Variants in CACNA1E observed in about 807,000 individuals in gnomAD.
CACNA1E encodes voltage-dependent R-type calcium channel subunit alpha-1E.
CACNA1E carries 40 observed loss-of-function variants against 259.2 expected under a neutral mutation model. The observed-to-expected ratio is 0.15, with a 90% confidence interval of 0.12 to 0.20. CACNA1E has a LOEUF of 0.20. Among genes scored for constraint, CACNA1E ranks in the 10% least tolerant of loss-of-function variants. CACNA1E has a pLI of 1.00. For synonymous variants in CACNA1E, 1,104 were observed against 1,138.5 expected (o/e 0.97, Z 0.61); for missense variants, 1,874 against 3,040.1 (o/e 0.62, Z 9.02).
intron 2 of CACNA1E, among the ~76,000 whole-genome samples, chr1:181,474,368 A>G (rs1033673456): frequency 6.6e-6 from 1 of 152,224 alleles, no homozygotes; most frequent in Non-Finnish European, 1.5e-5. Context: ...TTGATTGAGA[A>G]TTACATTTCC....
intron 7 of CACNA1E, among the ~76,000 whole-genome samples, chr1:181,684,988 C>A (rs1258088161): frequency 2.0e-5 from 3 of 147,344 alleles, no homozygotes; most frequent in Admixed American, 6.9e-5. Context: ...CTTTGGGGGG[C>A]TTAATATATT....
chr1:181,581,832 G>A (rs1371895903), intron 6 of CACNA1E, among the ~76,000 whole-genome samples: 1 of 152,132 alleles, frequency 6.6e-6, no homozygotes, highest in Non-Finnish European at 1.5e-5. Context: ...TCTTATGCAC[G>A]CTCCCACCGT....
intron 2 of CACNA1E, among the ~76,000 whole-genome samples, chr1:181,468,938 A>G (rs1444086049): frequency 6.6e-6 from 1 of 152,212 alleles, no homozygotes; most frequent in African/African-American, 2.4e-5. Flanking sequence ...CTTAGACTGG[A>G]TGACATTTAA....
intron 39 of CACNA1E, among the ~76,000 whole-genome samples, chr1:181,783,395 G>C (rs937485784): frequency 1.3e-5 from 2 of 152,066 alleles, no homozygotes; most frequent in African/African-American, 4.8e-5. Flanking sequence ...GGACTCCAAG[G>C]GGGGGCCTTA....
chr1:181,522,383 G>A (rs760023256), intron 3 of CACNA1E, among the ~76,000 whole-genome samples: 2 of 152,222 alleles, frequency 1.3e-5, no homozygotes, highest in Non-Finnish European at 2.9e-5. Context: ...ATTGATGAGT[G>A]TGTGGGCTTT....
At chr1:181,452,620 C>T (rs1661229857) in intron 2 of CACNA1E, among the ~76,000 whole-genome samples, 1 of 152,166 alleles carries the variant, frequency 6.6e-6, no homozygotes, top group Admixed American at 6.5e-5. Flanking sequence ...TGGAAGGTTT[C>T]CCCCAAGGAA....
At chr1:181,632,045 C>T (rs1656796017) in intron 6 of CACNA1E, among the ~76,000 whole-genome samples, 1 of 152,156 alleles carries the variant, frequency 6.6e-6, no homozygotes, top group Non-Finnish European at 1.5e-5. Flanking sequence ...TAAAAGAGTT[C>T]ATCCCAGTGT....
chr1:181,557,356 C>T (rs1648842064), intron 3 of CACNA1E, among the ~76,000 whole-genome samples: 1 of 152,180 alleles, frequency 6.6e-6, no homozygotes, highest in South Asian at 2.1e-4. Context: ...TCTGTACAGC[C>T]TTTGTTTTGC....
chr1:181,737,979 G>A (rs1656210044), intron 23 of CACNA1E, among the ~76,000 whole-genome samples: 1 of 152,242 alleles, frequency 6.6e-6, no homozygotes, highest in African/African-American at 2.4e-5. Flanking sequence ...GGGGGCCAAG[G>A]CCTCTCCTGG....
At chr1:181,743,418 G>A (rs1656765413) in intron 25 of CACNA1E, among the ~76,000 whole-genome samples, 2 of 152,332 alleles carry the variant, frequency 1.3e-5, no homozygotes, top group Admixed American at 1.3e-4. Context: ...ACTCCTGCAT[G>A]GAAGGCAAAG....
intron 1 of CACNA1E, among the ~76,000 whole-genome samples, chr1:181,398,180 C>T (rs756676295): frequency 1.3e-5 from 2 of 152,202 alleles, no homozygotes; most frequent in African/African-American, 2.4e-5. Context: ...TACCCAGATG[C>T]CTTGGCTGAG....
chr1:181,651,478 T>C, intron 7 of CACNA1E, 37 bp downstream of exon 7: 1 of 1,439,802 alleles, frequency 6.9e-7, no homozygotes, highest in Non-Finnish European at 9.8e-7. Flanking sequence ...ACTCATTTGC[T>C]GACTGCTAAC....
At chr1:181,430,319 C>T (rs1659625231) in intron 2 of CACNA1E, among the ~76,000 whole-genome samples, 1 of 152,182 alleles carries the variant, frequency 6.6e-6, no homozygotes, top group Non-Finnish European at 1.5e-5. Context: ...AGAAAGTCCT[C>T]TGCCACAGAG....
Position 181,783,608 on chromosome 1 carries a change from T to C in CACNA1E, c.5365-71T>C, listed in dbSNP as rs1445832946. On this transcript the variant is annotated intron_variant, in intron 39 of 47. Transcript: ENST00000367573. ...GTGCATTTGACCTCTACCCTTTTCT[T>C]CCTTTCTCACTGAGATGTCTTTCAA... 5.8e-6 allele frequency: 5 copies of C among 866,130 alleles called. No homozygotes were observed. The East Asian group carries it at 9.8e-5, about 17-fold the overall frequency. 53.7% of individuals were successfully genotyped at this position (866,130 alleles called of 1,614,324 possible).
intron 46 of CACNA1E, 57 bp downstream of exon 46, chr1:181,795,101 GC>G: frequency 3.5e-6 from 5 of 1,415,208 alleles, no homozygotes; most frequent in Non-Finnish European, 3.9e-6. Flanking sequence ...CTGCCCTGAT[GC>G]ACTTACTCTC....
chr1:181,618,448 C>T (rs1655426514), intron 6 of CACNA1E, among the ~76,000 whole-genome samples: 1 of 152,152 alleles, frequency 6.6e-6, no homozygotes. Context: ...GCCTGTAATC[C>T]TGGTCACTCG....
intron 2 of CACNA1E, among the ~76,000 whole-genome samples, chr1:181,442,268 G>A (rs1660536994): frequency 6.6e-6 from 1 of 151,542 alleles, no homozygotes; most frequent in Admixed American, 6.6e-5. Context: ...CAGGTATGAG[G>A]GACACAGGTA....
chr1:181,358,366 C>T (rs1000543665), intron 1 of CACNA1E, among the ~76,000 whole-genome samples: 1 of 152,182 alleles, frequency 6.6e-6, no homozygotes, highest in Non-Finnish European at 1.5e-5. Context: ...AGATCACACA[C>T]TCAGTTTTGT....
chr1:181,418,793 C>T (rs1209428418), intron 2 of CACNA1E, among the ~76,000 whole-genome samples: 3 of 152,062 alleles, frequency 2.0e-5, no homozygotes, highest in African/African-American at 7.2e-5. Context: ...CCATTCACCA[C>T]CTCTGCTGCT....
Sources: gnomAD v4.1 joint callset for allele counts (sites outside exome capture counted in the v4.1 genomes callset) on GRCh38, gnomAD v4.1.1 for gene constraint, MANE v1.5 for transcripts, NCBI Gene and HGNC (gene_info 2026-07-23, HGNC 2026-07-21) for gene names.